Variants in TAFA2 observed in about 807,000 individuals in gnomAD.
TAFA2 encodes the protein TAFA chemokine like family member 2, also known as chemokine-like protein TAFA-2.
Under a neutral mutation model 18.8 loss-of-function variants are expected in TAFA2, and 7 were observed. The observed-to-expected ratio is 0.37, with a 90% CI of 0.21 to 0.70. TAFA2 has a LOEUF of 0.70. Ranked by LOEUF, TAFA2 falls within the 30% of genes least tolerant of loss-of-function variation. The probability of loss-of-function intolerance (pLI) is 0.53; values close to 1 mark genes in which losing one functional copy is unlikely to be tolerated. For synonymous variants in TAFA2, 60 were observed against 54.2 expected, an observed-to-expected ratio of 1.11 and a Z score of -0.47; for missense variants, 122 against 158.1, an observed-to-expected ratio of 0.77 and a Z score of 1.23.
At chr12:62,155,421 T>C (rs2062361742) in intron 1 of TAFA2, among the ~76,000 whole-genome samples, 1 of 151,910 alleles carries the variant, frequency 6.6e-6, no homozygotes, top group Non-Finnish European at 1.5e-5. Context: ...ACACCATCAT[T>C]CTTCACAGAA....
At chr12:62,068,631 C>T (rs1326311170) in intron 1 of TAFA2, among the ~76,000 whole-genome samples, 1 of 152,064 alleles carries the variant, frequency 6.6e-6, no homozygotes, top group African/African-American at 2.4e-5. Flanking sequence ...TAGAACATGA[C>T]AATGGAAAAT....
intron 1 of TAFA2, among the ~76,000 whole-genome samples, chr12:61,981,183 A>G (rs1879623640): frequency 1.3e-5 from 2 of 152,142 alleles, no homozygotes; most frequent in South Asian, 4.1e-4. Context: ...TCTTTGACAA[A>G]CCTGACAAAA....
chr12:62,136,478 A>G (rs1016325782), intron 1 of TAFA2, among the ~76,000 whole-genome samples: 6 of 152,160 alleles, frequency 3.9e-5, no homozygotes, highest in African/African-American at 1.4e-4. Context: ...AACAGAGGAC[A>G]AAACTTTTCA....
At chr12:61,744,472 A>G (rs1201347994) in intron 4 of TAFA2, among the ~76,000 whole-genome samples, 1 of 152,130 alleles carries the variant, frequency 6.6e-6, no homozygotes, top group African/African-American at 2.4e-5. Flanking sequence ...AACTCTTTAA[A>G]CAAATACCAA....
intron 1 of TAFA2, among the ~76,000 whole-genome samples, chr12:61,900,659 C>G (rs1343294312): frequency 1.3e-5 from 2 of 152,104 alleles, no homozygotes; most frequent in African/African-American, 4.8e-5. Flanking sequence ...ATGGGAGAAC[C>G]ACTCCCATGA....
At chr12:62,196,435 T>A (rs1395850220), upstream of TAFA2, among the ~76,000 whole-genome samples, 2 of 152,170 alleles carry the variant, frequency 1.3e-5, no homozygotes, top group African/African-American at 4.8e-5. Flanking sequence ...TCCTCCCTAT[T>A]AAGCTTTTGA....
At chr12:62,098,286 T>C (rs1869033946) in intron 1 of TAFA2, among the ~76,000 whole-genome samples, 1 of 152,128 alleles carries the variant, frequency 6.6e-6, no homozygotes, top group South Asian at 2.1e-4. Flanking sequence ...GGCTGAGGTT[T>C]ACCTACCCAT....
chr12:62,063,346 C>T (rs1882402017), intron 1 of TAFA2, among the ~76,000 whole-genome samples: 1 of 152,152 alleles, frequency 6.6e-6, no homozygotes, highest in Non-Finnish European at 1.5e-5. Context: ...AATAATTGGG[C>T]TATATATCTA....
intron 1 of TAFA2, among the ~76,000 whole-genome samples, chr12:62,163,330 C>T (rs926061245): frequency 4.6e-5 from 7 of 152,110 alleles, no homozygotes; most frequent in African/African-American, 1.7e-4. Context: ...TCACAACTTT[C>T]CATTGCTCTT....
chr12:62,221,522 A>G (rs1216851593), intron 1 of TAFA2, among the ~76,000 whole-genome samples: 1 of 152,108 alleles, frequency 6.6e-6, no homozygotes, highest in Admixed American at 6.5e-5. Flanking sequence ...TAGATCAATG[A>G]CTCAGGATAG....
At chr12:62,091,555 A>G (rs1003783944) in intron 1 of TAFA2, among the ~76,000 whole-genome samples, 3 of 151,902 alleles carry the variant, frequency 2.0e-5, no homozygotes, top group Non-Finnish European at 4.4e-5. Context: ...CAAACTACCC[A>G]TGAAGCTGAG....
intron 1 of TAFA2, among the ~76,000 whole-genome samples, chr12:61,964,624 G>A (rs1020817085): frequency 6.6e-6 from 1 of 151,740 alleles, no homozygotes; most frequent in African/African-American, 2.4e-5. Context: ...AATCATCTTT[G>A]ATTCCTCCCT....
At chr12:61,922,603 A>C (rs1374630150) in intron 1 of TAFA2, among the ~76,000 whole-genome samples, 2 of 152,216 alleles carry the variant, frequency 1.3e-5, no homozygotes, top group African/African-American at 4.8e-5. Flanking sequence ...TGCAACCCGC[A>C]GACCAGGAGA....
intron 2 of TAFA2, among the ~76,000 whole-genome samples, chr12:61,803,987 G>T (rs983261022): frequency 1.3e-5 from 2 of 151,896 alleles, no homozygotes; most frequent in Non-Finnish European, 2.9e-5. Flanking sequence ...TTCATAGTAA[G>T]CCTACATGAA....
chr12:61,800,053 T>G (rs1380687444), intron 2 of TAFA2, among the ~76,000 whole-genome samples: 6 of 152,140 alleles, frequency 3.9e-5, no homozygotes, highest in Non-Finnish European at 8.8e-5. Flanking sequence ...ACGGACATTT[T>G]TATATGACTA....
intron 1 of TAFA2, among the ~76,000 whole-genome samples, chr12:62,024,174 C>T (rs1031477742): frequency 6.6e-6 from 1 of 152,132 alleles, no homozygotes; most frequent in Non-Finnish European, 1.5e-5. Flanking sequence ...AGTCAGTAAA[C>T]AGCTCCATGA....
chr12:62,236,358 G>C (rs997910481), intron 1 of TAFA2, among the ~76,000 whole-genome samples: 2 of 150,362 alleles, frequency 1.3e-5, no homozygotes, highest in African/African-American at 4.9e-5. Flanking sequence ...TCCACCTCCC[G>C]GGTTCACACC....
At chr12:62,084,024 C>T (rs1179634698) in intron 1 of TAFA2, among the ~76,000 whole-genome samples, 2 of 152,152 alleles carry the variant, frequency 1.3e-5, no homozygotes, top group East Asian at 1.9e-4. Context: ...TTAAACTGAA[C>T]TCCAAATTCA....
At chr12:62,061,788 C>T (rs1287557036) in intron 1 of TAFA2, among the ~76,000 whole-genome samples, 1 of 152,130 alleles carries the variant, frequency 6.6e-6, no homozygotes, top group Non-Finnish European at 1.5e-5. Context: ...TATTGAACAT[C>T]TACAATGTAT....
Sources: gnomAD v4.1 joint callset for allele counts (sites outside exome capture counted in the v4.1 genomes callset) on GRCh38, gnomAD v4.1.1 for gene constraint, MANE v1.5 for transcripts, NCBI Gene and HGNC (gene_info 2026-07-23, HGNC 2026-07-21) for gene names.